Variants in CDH13 observed in about 807,000 individuals in gnomAD.
CDH13 encodes cadherin-13.
In CDH13, 24 loss-of-function variants were observed where a neutral mutation model predicts 63.8. The observed-to-expected ratio is 0.38, with a 90% CI of 0.27 to 0.53. The LOEUF (loss-of-function observed/expected upper bound fraction) is 0.53. Ranked by LOEUF, CDH13 falls within the 20% of genes least tolerant of loss-of-function variation. The pLI, the probability that CDH13 is intolerant of heterozygous loss-of-function variation, is 0.85. For synonymous variants in CDH13, 503 were observed against 355.3 expected, an observed-to-expected ratio of 1.42 and a Z score of -4.67; for missense variants, 1,049 against 903.1, an observed-to-expected ratio of 1.16 and a Z score of -2.07.
chr16:83,698,692 G>A lies in CDH13; in HGVS notation c.1538+20231G>A, dbSNP rs191142153. Among the ~76,000 whole-genome samples the A allele has an allele frequency of 1.8e-3, 267 of 152,316 alleles. 1 individual carries two copies. The highest frequency in any genetic ancestry group is 6.2e-3 in the African/African-American group (258 of 41,576). ...TGAGAGCTGGGTTTGCTAACAAGCCGGGTCAGTAACCCCAACCTTCTTACT... is the reference window on the plus strand; with the variant it reads ...TGAGAGCTGGGTTTGCTAACAAGCCAGGTCAGTAACCCCAACCTTCTTACT... On this transcript the variant is annotated intron_variant, in intron 10 of 13. Coordinates refer to ENST00000567109, the MANE Select transcript of CDH13 (RefSeq NM_001257.5).
intron 10 of CDH13, among the ~76,000 whole-genome samples, chr16:83,708,675 T>G (rs1420705824): frequency 6.6e-6 from 1 of 152,198 alleles, no homozygotes; most frequent in Non-Finnish European, 1.5e-5. Context: ...ATGAAAGGTC[T>G]TTAGACGACC....
intron 8 of CDH13, among the ~76,000 whole-genome samples, chr16:83,621,000 C>T (rs142754956): frequency 1.3e-5 from 2 of 152,132 alleles, no homozygotes; most frequent in South Asian, 2.1e-4. Context: ...CTGCTTTGTA[C>T]GCAGCAGGGT....
At chr16:82,661,690 TC>T (rs1911965682) in intron 1 of CDH13, among the ~76,000 whole-genome samples, 1 of 152,240 alleles carries the variant, frequency 6.6e-6, no homozygotes, top group East Asian at 1.9e-4. Context: ...AACTCGTCTG[TC>T]TTTTATTCCA....
At chr16:83,578,649 C>G (rs1162147694) in intron 7 of CDH13, among the ~76,000 whole-genome samples, 1 of 152,102 alleles carries the variant, frequency 6.6e-6, no homozygotes, top group Non-Finnish European at 1.5e-5. Context: ...TACTGCATGC[C>G]CAGCAGTGCC....
chr16:83,516,202 A>G (rs759627611), intron 7 of CDH13, among the ~76,000 whole-genome samples: 1 of 152,188 alleles, frequency 6.6e-6, no homozygotes, highest in Non-Finnish European at 1.5e-5. Flanking sequence ...AGCGTTTTAC[A>G]CTCAAAGTTT....
In CDH13 at chr16:82,912,800, G is replaced by C. The variant is rs1187940737; in HGVS notation, c.157+54327G>C. Among the ~76,000 whole-genome samples the C allele has an allele frequency of 2.6e-5, 4 of 152,234 alleles. No individual in the cohort carries two copies. In the South Asian group the frequency reaches 6.2e-4, roughly 24 times the overall value. On this transcript the variant is annotated intron_variant, in intron 2 of 13. Transcript: ENST00000567109. ...CTACTAAAAATACAAAATATTAGCT[G>C]GGCGTGGTGGCGGGCACCTGTAGTC...
At chr16:83,518,791 G>T (rs1389347878) in intron 7 of CDH13, among the ~76,000 whole-genome samples, 3 of 152,068 alleles carry the variant, frequency 2.0e-5, no homozygotes, top group African/African-American at 7.2e-5. Flanking sequence ...TTTTATAAAG[G>T]GCTTTTCCCT....
At chr16:83,406,368 C>G (rs1451114912) in intron 6 of CDH13, among the ~76,000 whole-genome samples, 1 of 152,130 alleles carries the variant, frequency 6.6e-6, no homozygotes, top group African/African-American at 2.4e-5. Flanking sequence ...TTGTCTCAGG[C>G]TCAGCCTGGA....
Position 82,723,889 on chromosome 16 carries a change from C to A in CDH13, c.45+96752C>A, listed in dbSNP as rs1032155283. On this transcript the variant is annotated intron_variant, in intron 1 of 13. Transcript: ENST00000567109. ...GGCCTTGATGGAGTTTTCAGTCTTACCTGTTATTTTTTCTATTCCCACTCC... is the reference window on the plus strand; with the variant it reads ...GGCCTTGATGGAGTTTTCAGTCTTAACTGTTATTTTTTCTATTCCCACTCC... Among the ~76,000 whole-genome samples the A allele has an allele frequency of 2.0e-5, 3 of 152,128 alleles. No individual in the cohort carries two copies. The South Asian group carries it at 6.2e-4, about 32-fold the overall frequency.
intron 10 of CDH13, among the ~76,000 whole-genome samples, chr16:83,724,642 G>T (rs1465577824): frequency 2.6e-5 from 4 of 152,184 alleles, no homozygotes; most frequent in African/African-American, 9.7e-5. Context: ...CTGTGACTAT[G>T]TTGGGGCTTG....
At chr16:83,294,594 A>G (rs897319461) in intron 5 of CDH13, among the ~76,000 whole-genome samples, 1 of 134,870 alleles carries the variant, frequency 7.4e-6, no homozygotes, top group Non-Finnish European at 1.6e-5. Flanking sequence ...ATATACATAT[A>G]TATGTGTATG....
At chr16:82,739,741 A>G (rs1204103664) in intron 1 of CDH13, among the ~76,000 whole-genome samples, 1 of 152,240 alleles carries the variant, frequency 6.6e-6, no homozygotes, top group East Asian at 1.9e-4. Flanking sequence ...ACTTTTTCCA[A>G]ATATTAGCAA....
chr16:83,687,565 G>A (rs777867169), intron 10 of CDH13, among the ~76,000 whole-genome samples: 12 of 152,164 alleles, frequency 7.9e-5, no homozygotes, highest in Non-Finnish European at 1.6e-4. Context: ...CTCCAACATT[G>A]GAGATTATAT....
chr16:83,580,654 C>T (rs1409462125), intron 7 of CDH13, among the ~76,000 whole-genome samples: 2 of 151,946 alleles, frequency 1.3e-5, no homozygotes, highest in Non-Finnish European at 2.9e-5. Context: ...GCTACCATGC[C>T]CTGGCTTATT....
chr16:83,183,935 C>A (rs551884035), intron 4 of CDH13, among the ~76,000 whole-genome samples: 1 of 152,018 alleles, frequency 6.6e-6, no homozygotes, highest in African/African-American at 2.4e-5. Flanking sequence ...ATCACCACCC[C>A]AATCCCAAAA....
At chr16:82,938,542 G>T (rs1244595778) in intron 2 of CDH13, among the ~76,000 whole-genome samples, 2 of 152,156 alleles carry the variant, frequency 1.3e-5, no homozygotes, top group East Asian at 3.9e-4. Flanking sequence ...GCATCAGCAG[G>T]GGCCTTCTGA....
chr16:82,633,254 C>T (rs373250202), intron 1 of CDH13, among the ~76,000 whole-genome samples: 4 of 152,218 alleles, frequency 2.6e-5, no homozygotes, highest in Non-Finnish European at 4.4e-5. Flanking sequence ...TGCTCCCTCA[C>T]GGTATAGACA....
intron 4 of CDH13, among the ~76,000 whole-genome samples, chr16:83,126,845 C>G (rs932524071): frequency 6.6e-6 from 1 of 152,038 alleles, no homozygotes; most frequent in Non-Finnish European, 1.5e-5. Context: ...TGTGAAGAAG[C>G]AGATAATAAA....
At chr16:83,603,685 G>A (rs1218343345) in intron 8 of CDH13, among the ~76,000 whole-genome samples, 3 of 152,148 alleles carry the variant, frequency 2.0e-5, no homozygotes, top group African/African-American at 7.2e-5. Flanking sequence ...GCTACCCAGG[G>A]TGGCTTGAGA....
Sources: allele counts gnomAD v4.1 joint callset (sites outside exome capture counted in the v4.1 genomes callset), GRCh38; gene constraint gnomAD v4.1.1; transcripts MANE v1.5; gene names NCBI Gene and HGNC (gene_info 2026-07-23, HGNC 2026-07-21).